The following TRPC4 variants were observed in gnomAD, a reference collection of about 807,000 sequenced individuals.
TRPC4 encodes the protein transient receptor potential cation channel subfamily C member 4, also known as short transient receptor potential channel 4.
In TRPC4, 49 loss-of-function variants were observed where a neutral mutation model predicts 99.4. The ratio of observed to expected loss-of-function variants is 0.49; its 90% CI spans 0.39 to 0.63. The LOEUF is 0.63. Ranked by LOEUF, TRPC4 falls within the 20% of genes least tolerant of loss-of-function variation. The probability of loss-of-function intolerance (pLI) is 0.00; values close to 1 mark genes in which losing one functional copy is unlikely to be tolerated. For missense variants in TRPC4, 898 were observed against 1,152.9 expected, an observed-to-expected ratio of 0.78 and a Z score of 3.20; for synonymous variants, 454 against 425.9, an observed-to-expected ratio of 1.07 and a Z score of -0.81.
intron 3 of TRPC4, among the ~76,000 whole-genome samples, chr13:37,714,884 C>T (rs531352676): frequency 3.3e-5 from 5 of 152,276 alleles, no homozygotes; most frequent in African/African-American, 1.2e-4. Context: ...TAATCTCTCC[C>T]ACTAGACTGC....
At chr13:37,677,863 G>A (rs9548012) in intron 4 of TRPC4, among the ~76,000 whole-genome samples, 93,130 of 151,850 alleles carry the variant, frequency 0.61, 29,498 homozygotes, top group East Asian at 0.8. Context: ...ACCAAGATAG[G>A]CCATAGTGTG....
chr13:37,745,456 A>ATGCGTG, intron 3 of TRPC4, among the ~76,000 whole-genome samples: 1 of 3,024 alleles, frequency 3.3e-4, no homozygotes, highest in East Asian at 3.9e-3. Flanking sequence ...ATATATATAT[A>ATGCGTG]TATATATATA....
chr13:37,777,161 G>T (rs889527362), intron 2 of TRPC4, among the ~76,000 whole-genome samples: 2 of 151,810 alleles, frequency 1.3e-5, no homozygotes, highest in South Asian at 4.2e-4. Flanking sequence ...TCCCTGAATT[G>T]GGTTTCTGTT....
chr13:37,741,029 G>A (rs1955573938), intron 3 of TRPC4, among the ~76,000 whole-genome samples: 1 of 152,148 alleles, frequency 6.6e-6, no homozygotes, highest in African/African-American at 2.4e-5. Flanking sequence ...CTTCATGAAA[G>A]GGAAAGGCAA....
chr13:37,669,053 C>A lies in TRPC4; in HGVS notation c.1374+5175G>T, dbSNP rs189048504. The stretch of plus-strand genomic sequence containing the variant: ...TTTATAAAATAGGAAAAACACTTGG[C>A]CCTTTTCTAGTTAATAAGAAATGGG... On this transcript the variant is annotated intron_variant, in intron 5 of 10. Transcript: ENST00000379705. 1.7e-3 allele frequency among the ~76,000 whole-genome samples: 260 copies of A among 152,090 alleles called. 2 individuals are homozygous for A. The highest frequency in any genetic ancestry group is 5.9e-3 in the African/African-American group (246 of 41,484).
At chr13:37,649,191 T>G (rs559320931) in intron 8 of TRPC4, among the ~76,000 whole-genome samples, 261 of 152,310 alleles carry the variant, frequency 1.7e-3, no homozygotes, top group African/African-American at 5.9e-3. Flanking sequence ...GAAGTCTGGC[T>G]TCCTTGAAAT....
chr13:37,799,395 CTTCTT>C (rs1212823804), intron 1 of TRPC4, among the ~76,000 whole-genome samples: 2 of 152,150 alleles, frequency 1.3e-5, no homozygotes, highest in African/African-American at 4.8e-5. Context: ...TCTACTGCCT[CTTCTT>C]TTGTCAAATT....
At chr13:37,844,390 G>A (rs767133808) in intron 1 of TRPC4, among the ~76,000 whole-genome samples, 9 of 152,096 alleles carry the variant, frequency 5.9e-5, no homozygotes, top group Non-Finnish European at 1.2e-4. Flanking sequence ...CATCTCCCAG[G>A]TTCAAGCAAT....
chr13:37,837,325 C>A (rs1039493312), intron 1 of TRPC4, among the ~76,000 whole-genome samples: 11 of 152,222 alleles, frequency 7.2e-5, no homozygotes, highest in Admixed American at 1.3e-4. Flanking sequence ...ATGGTGTATC[C>A]ACCAACAGCT....
chr13:37,711,665 A>G (rs1954490865), intron 3 of TRPC4, among the ~76,000 whole-genome samples: 1 of 152,046 alleles, frequency 6.6e-6, no homozygotes, highest in South Asian at 2.1e-4. Flanking sequence ...TTTAAAGTGA[A>G]TATCTTTCTA....
rs34355727 is a variant in TRPC4 at position 37,756,535 on chromosome 13, CTT to C, written c.379-10082_379-10081del. On this transcript the variant is annotated intron_variant, in intron 2 of 10. Coordinates refer to ENST00000379705, the MANE Select transcript of TRPC4 (RefSeq NM_016179.4). The stretch of plus-strand genomic sequence containing the variant: ...AAATACACTAATAGCTTTTTTTTTT[CTT>C]TTTTTTTTTTTCTGAGGTAGAGTCT... Among the ~76,000 whole-genome samples, 272 of 137,330 alleles carry C rather than the reference CTT, an allele frequency of 2.0e-3. 1 individual carries two copies. Among genetic ancestry groups the C allele is most frequent in the Non-Finnish European group, 3.2e-3 (204 of 63,730 alleles). 90.1% of individuals were successfully genotyped at this position (137,330 alleles called of 152,430 possible). A position where few individuals can be genotyped will look rare whatever the true frequency, so the allele number is the denominator to read the frequency against.
rs189639814 is a variant in TRPC4, at chr13:37,825,888, T to C, written c.-27-42528A>G. 8.4e-3 allele frequency among the ~76,000 whole-genome samples: 1,257 copies of C among 149,820 alleles called. 31 individuals are homozygous for C. The East Asian group carries it at 0.097, about 12-fold the overall frequency. ...GACAGTGGGGTGTTAAAGTCTCCCA[T>C]TATTAATGTGTGGGAGTCAAAGTCT... On this transcript the variant is annotated intron_variant, in intron 1 of 10. Transcript: ENST00000379705.
At chr13:37,693,580 TTTTCC>T (rs1566101767) in intron 3 of TRPC4, among the ~76,000 whole-genome samples, 1 of 152,206 alleles carries the variant, frequency 6.6e-6, no homozygotes, top group Non-Finnish European at 1.5e-5. Flanking sequence ...AAGCAAGACT[TTTTCC>T]TTTCTTTTTT....
At chr13:37,824,451 A>T (rs1234001722) in intron 1 of TRPC4, among the ~76,000 whole-genome samples, 2 of 151,984 alleles carry the variant, frequency 1.3e-5, no homozygotes, top group Non-Finnish European at 2.9e-5. Context: ...CTTCCCATCA[A>T]TACCTAATTT....
chr13:37,649,841 C>T (rs1384240796), intron 8 of TRPC4, among the ~76,000 whole-genome samples: 1 of 150,852 alleles, frequency 6.6e-6, no homozygotes, highest in East Asian at 2.0e-4. Context: ...AATAATTTCA[C>T]TCCCTTCTAA....
chr13:37,636,785 G>T lies in TRPC4; in HGVS notation c.*118C>A. 1 of 1,248,694 alleles carries T rather than the reference G, an allele frequency of 8.0e-7. No homozygotes were observed. Among genetic ancestry groups the T allele is most frequent in the Non-Finnish European group, 1.1e-6 (1 of 927,610 alleles). The allele number at this position is 1,248,694 out of a possible 1,614,324, so 77.4% of individuals were successfully genotyped here. On this transcript the variant is annotated 3_prime_UTR_variant, in exon 11 of 11. Transcript: ENST00000379705. ...AACATGTTACAGGTAATATGCCACA[G>T]CTGATAAACGCTATAAAGTGTAAGT...
At chr13:37,844,226 C>A (rs886833385) in intron 1 of TRPC4, among the ~76,000 whole-genome samples, 6 of 152,012 alleles carry the variant, frequency 3.9e-5, no homozygotes, top group African/African-American at 1.4e-4. Context: ...ATAATGGTGT[C>A]AAACCAGAGA....
chr13:37,813,418 G>C (rs1266228587), intron 1 of TRPC4, among the ~76,000 whole-genome samples: 1 of 151,324 alleles, frequency 6.6e-6, no homozygotes, highest in Non-Finnish European at 1.5e-5. Flanking sequence ...ATAGAGAACA[G>C]AGAAACAATA....
At chr13:37,717,707 G>T (rs1375937816) in intron 3 of TRPC4, among the ~76,000 whole-genome samples, 1 of 152,120 alleles carries the variant, frequency 6.6e-6, no homozygotes, top group Non-Finnish European at 1.5e-5. Context: ...CCCTCTCTAT[G>T]TGTTGCTCTC....
Sources: allele counts gnomAD v4.1 joint callset (sites outside exome capture counted in the v4.1 genomes callset), GRCh38; gene constraint gnomAD v4.1.1; transcripts MANE v1.5; gene names NCBI Gene and HGNC (gene_info 2026-07-23, HGNC 2026-07-21).